The following PHTF2 variants were observed in gnomAD, a reference collection of about 807,000 sequenced individuals.
PHTF2 encodes protein PHTF2.
In PHTF2, 60 loss-of-function variants were observed where a neutral mutation model predicts 101.2. The observed-to-expected ratio is 0.59, with a 90% CI of 0.48 to 0.73. The LOEUF is 0.73. Among genes scored for constraint, PHTF2 ranks in the 30% least tolerant of loss-of-function variants. The pLI, the probability that PHTF2 is intolerant of heterozygous loss-of-function variation, is 0.00. For missense variants in PHTF2, 747 were observed against 908.7 expected, an observed-to-expected ratio of 0.82 and a Z score of 2.29; for synonymous variants, 311 against 307.3, an observed-to-expected ratio of 1.01 and a Z score of -0.13.
At chr7:77,895,168 CA>C (rs1438878260) in intron 5 of PHTF2, 3 of 455,820 alleles carry the variant, frequency 6.6e-6, no homozygotes, top group African/African-American at 4.0e-5. Context: ...TGAGAGTTCT[CA>C]GTTTATAAAG....
chr7:77,940,777 A>G (rs1057069663), intron 15 of PHTF2, 118 bp downstream of exon 14: 2 of 660,414 alleles, frequency 3.0e-6, no homozygotes, highest in Non-Finnish European at 4.8e-6. Flanking sequence ...CTCATTCAAA[A>G]ACTGGATTAG....
At chr7:77,913,601 C>T (rs540235526) in intron 9 of PHTF2, among the ~76,000 whole-genome samples, 87 of 152,042 alleles carry the variant, frequency 5.7e-4, no homozygotes, top group African/African-American at 1.9e-3. Context: ...TTCATTTCAC[C>T]GTGACAATAT....
At chr7:77,799,170 G>C (rs183809106) in intron 1 of PHTF2, among the ~76,000 whole-genome samples, 199 bp downstream of exon 1, 2 of 152,282 alleles carry the variant, frequency 1.3e-5, no homozygotes, top group Non-Finnish European at 2.9e-5. Context: ...GGTCAGCCGC[G>C]ACCCCTTCTC....
intron 3 of PHTF2, among the ~76,000 whole-genome samples, chr7:77,884,776 G>A (rs1799686861): frequency 6.6e-6 from 1 of 152,202 alleles, no homozygotes; most frequent in African/African-American, 2.4e-5. Context: ...GTGGGCACCT[G>A]TAGTCCCAGT....
intron 1 of PHTF2, among the ~76,000 whole-genome samples, chr7:77,838,954 G>T (rs1024838775): frequency 6.6e-6 from 1 of 152,112 alleles, no homozygotes; most frequent in Non-Finnish European, 1.5e-5. Flanking sequence ...ATTTGAACTT[G>T]TTGATAATTT....
At chr7:77,803,074 A>G (rs1792684248) in intron 1 of PHTF2, among the ~76,000 whole-genome samples, 1 of 152,236 alleles carries the variant, frequency 6.6e-6, no homozygotes, top group Non-Finnish European at 1.5e-5. Context: ...GTGAGTTTTC[A>G]GATGAGAACA....
chr7:77,807,356 T>A (rs1278996268), intron 1 of PHTF2, among the ~76,000 whole-genome samples: 1 of 151,060 alleles, frequency 6.6e-6, no homozygotes, highest in Non-Finnish European at 1.5e-5. Flanking sequence ...CACATCTTCA[T>A]CAATATTTAT....
At chr7:77,905,330 A>G (rs1562934718) in intron 7 of PHTF2, among the ~76,000 whole-genome samples, 1 of 150,472 alleles carries the variant, frequency 6.6e-6, no homozygotes, top group African/African-American at 2.5e-5. Context: ...GGCACAAACA[A>G]TCCTCCAGCC....
chr7:77,928,011 G>A (rs1400194970), intron 11 of PHTF2, among the ~76,000 whole-genome samples: 2 of 152,202 alleles, frequency 1.3e-5, no homozygotes, highest in Non-Finnish European at 2.9e-5. Flanking sequence ...TGTGCTTTAG[G>A]AAGGTTAATC....
intron 2 of PHTF2, among the ~76,000 whole-genome samples, chr7:77,850,360 CA>C (rs71082789): frequency 0.037 from 1,616 of 44,262 alleles, 8 homozygotes; most frequent in African/African-American, 0.054. Context: ...GACCTTGTCT[CA>C]AAAAAAAAAA....
At chr7:77,953,049 T>C (rs1475214884) in intron 18 of PHTF2, among the ~76,000 whole-genome samples, 1 of 152,236 alleles carries the variant, frequency 6.6e-6, no homozygotes, top group African/African-American at 2.4e-5. Context: ...TTCTTCCTTG[T>C]ACTTGGGCCC....
rs536375905 is a variant in PHTF2, at chr7:77,875,996, G to A, written c.148-17612G>A. Among the ~76,000 whole-genome samples, 125 of 152,250 alleles carry A rather than the reference G, an allele frequency of 8.2e-4. 1 individual carries two copies. The highest frequency in any genetic ancestry group is 6.8e-4 in the Non-Finnish European group (46 of 68,026). On this transcript the variant is annotated intron_variant, in intron 3 of 19. Coordinates refer to ENST00000416283, the Ensembl canonical transcript of PHTF2. ...CTGATTTTATAACTGAGGCAACTAC[G>A]GTTTAGAGAAGTCTAGTAGTTTTCT...
intron 13 of PHTF2, chr7:77,938,115 C>G: frequency 6.2e-6 from 1 of 160,784 alleles, no homozygotes; most frequent in Non-Finnish European, 1.4e-5. Flanking sequence ...AATTCAGGAG[C>G]TTGTTAGATA....
chr7:77,856,892 C>T (rs966497217), intron 3 of PHTF2, among the ~76,000 whole-genome samples: 9 of 152,054 alleles, frequency 5.9e-5, no homozygotes, highest in Non-Finnish European at 8.8e-5. Flanking sequence ...TGGCACTAAT[C>T]CCCCACAGAT....
At chr7:77,804,947 C>T (rs755633616) in intron 1 of PHTF2, among the ~76,000 whole-genome samples, 2 of 152,184 alleles carry the variant, frequency 1.3e-5, no homozygotes, top group Admixed American at 6.5e-5. Context: ...AAAATTATAT[C>T]CTCAGTGTCT....
intron 3 of PHTF2, among the ~76,000 whole-genome samples, chr7:77,869,369 T>C (rs1798337355): frequency 6.6e-6 from 1 of 152,192 alleles, no homozygotes; most frequent in African/African-American, 2.4e-5. Flanking sequence ...AACTTAATTC[T>C]TTCTATGTGT....
chr7:77,895,135 A>G (rs1409944101), intron 5 of PHTF2: 21 of 455,734 alleles, frequency 4.6e-5, no homozygotes, highest in Middle Eastern at 3.2e-4. Context: ...AGAAATATCT[A>G]TTTGGTACTT....
rs1793902331 is a variant in PHTF2, at chr7:77,816,991, C to T, written c.-36+18020C>T. ...TGTTGTTGGGCATGTAGGTTGATTC[C>T]ATATCTTGACTATTGTGAATAGTGC... On this transcript the variant is annotated intron_variant, in intron 1 of 19. Coordinates refer to ENST00000416283, the Ensembl canonical transcript of PHTF2. Among the ~76,000 whole-genome samples, 3 of 152,156 alleles carry T rather than the reference C, an allele frequency of 2.0e-5. No individual in the cohort carries two copies. The South Asian group carries it at 6.2e-4, about 32-fold the overall frequency.
intron 3 of PHTF2, among the ~76,000 whole-genome samples, chr7:77,885,438 G>T (rs890528856): frequency 1.3e-5 from 2 of 151,796 alleles, no homozygotes; most frequent in Non-Finnish European, 2.9e-5. Flanking sequence ...TGCCTTGAGG[G>T]TATTATTGTT....
Sources: allele counts gnomAD v4.1 joint callset (sites outside exome capture counted in the v4.1 genomes callset), GRCh38; gene constraint gnomAD v4.1.1; transcripts MANE v1.5; gene names NCBI Gene and HGNC (gene_info 2026-07-23, HGNC 2026-07-21).